FAAP24: variants seen among roughly 807,000 people sequenced by gnomAD.
The protein encoded by FAAP24 is Fanconi anemia core complex-associated protein 24.
A neutral mutation model predicts 14.3 loss-of-function variants in FAAP24; 16 were observed. The ratio of observed to expected loss-of-function variants is 1.12; its 90% CI spans 0.76 to 1.69. The LOEUF (loss-of-function observed/expected upper bound fraction) is 1.69. Among genes scored for constraint, FAAP24 ranks in the 40% most tolerant of loss-of-function variants. FAAP24 has a pLI of 0.00. For missense variants in FAAP24, 234 were observed against 262.7 expected (o/e 0.89, Z 0.75); for synonymous variants, 111 against 106.2 (o/e 1.04, Z -0.28).
rs1038165999 is a variant in FAAP24 at position 32,977,557 on chromosome 19, G to A, written c.*875G>A. ...GGCCTTTTTTTTTGGCAGATGTACA[G>A]TTTGTTTATAATCACTGCATATGTC... On this transcript the variant is annotated 3_prime_UTR_variant, in exon 5 of 5. Transcript: ENST00000588258. 2.0e-5 allele frequency: 8 copies of A among 395,778 alleles called. No homozygotes were observed. The Admixed American group carries it at 3.5e-4, about 18-fold the overall frequency. The allele number at this position is 395,778 out of a possible 1,614,324, so 24.5% of individuals were successfully genotyped here.
At position 32,976,761 on chromosome 19, in the gene FAAP24, G is replaced by A. The variant is rs1971523998; in HGVS notation, c.*79G>A. 9 of 1,555,632 alleles carry A rather than the reference G, an allele frequency of 5.8e-6. No individual in the cohort carries two copies. On this transcript the variant is annotated 3_prime_UTR_variant, in exon 5 of 5. Transcript: ENST00000588258. Reference sequence around the variant, plus strand: ...TTGTTTTCAGCTTTAAAAACCAAGAGAATGGGCCGGGTGCACTGGCTCACG... The same window carrying A: ...TTGTTTTCAGCTTTAAAAACCAAGAAAATGGGCCGGGTGCACTGGCTCACG...
In FAAP24 at chr19:32,974,113, A is replaced by G; in HGVS notation, c.297A>G (p.Gln99=). Residue 99 remains glutamine, a synonymous_variant, in exon 4 of 5, where the codon CAA becomes CAG. Coordinates refer to ENST00000588258, the MANE Select transcript of FAAP24 (RefSeq NM_152266.5). ...VVVEKTRMSE[Q]YFPALQKFTV... ...TTGAAAAAACCCGGATGAGTGAACAATACTTCCCAGCCCTACAGAAGTTTA... is the reference window on the plus strand; with the variant it reads ...TTGAAAAAACCCGGATGAGTGAACAGTACTTCCCAGCCCTACAGAAGTTTA... The G allele has an allele frequency of 1.2e-6, 2 of 1,614,154 alleles. No individual in the cohort carries two copies. Among genetic ancestry groups the G allele is most frequent in the Non-Finnish European group, 1.7e-6 (2 of 1,180,000 alleles).
intron 1 of FAAP24, among the ~76,000 whole-genome samples, chr19:32,972,680 C>CCTTCATTCA (rs1157046176): frequency 6.6e-6 from 1 of 151,320 alleles, no homozygotes; most frequent in Non-Finnish European, 1.5e-5. Flanking sequence ...GCCACCCTGG[C>CCTTCATTCA]CTTCATTCAG....
At position 32,973,466 on chromosome 19, in the gene FAAP24, C is replaced by CTT. The variant is rs747410375; in HGVS notation, c.150_151dup (p.Tyr51PhefsTer40). On this transcript the variant is annotated frameshift_variant, in exon 3 of 5. Transcript: ENST00000588258. LOFTEE classifies it high-confidence loss of function. ...TTTTCGAGGATGGCTTGACACCAGA[C>CTT]TTTTATCTGTCGAACAGATGCTGCA... 6 of 1,614,100 alleles carry CTT rather than the reference C, an allele frequency of 3.7e-6. No individual in the cohort carries two copies. The East Asian group carries it at 1.3e-4, about 36-fold the overall frequency.
Position 32,977,417 on chromosome 19 carries a change from C to A in FAAP24, c.*735C>A. On this transcript the variant is annotated 3_prime_UTR_variant, in exon 5 of 5. Transcript: ENST00000588258. ...TAAGCCCTGGGTTCCCAGAGTTTCA[C>A]CTGCTGTTCATCAGGTCTGGCCTTC... 1 of 398,632 alleles carries A rather than the reference C, an allele frequency of 2.5e-6. No individual in the cohort carries two copies. The allele number at this position is 398,632 out of a possible 1,614,324, so 24.7% of individuals were successfully genotyped here.
Position 32,973,503 on chromosome 19 carries a change from A to T in FAAP24, c.184A>T (p.Thr62Ser). The T allele has an allele frequency of 6.2e-7, 1 of 1,614,208 alleles. No homozygotes were observed. Among genetic ancestry groups the T allele is most frequent in the Non-Finnish European group, 8.5e-7 (1 of 1,180,050 alleles). The change falls in exon 3 of 5, where the codon ACC becomes TCC. Residue 62 changes from threonine (T) to serine (S), a missense_variant. Transcript: ENST00000588258. ...GAACAGATGCTGCATTCTTTATGTC[A>T]CCGAAGCTGATTTGGTGGCAGGAAA... ...LSNRCCILYVTEADLVAGNGY... is the reference protein window; with the variant it reads ...LSNRCCILYVSEADLVAGNGY...
chr19:32,974,681 G>A (rs1971493071), intron 4 of FAAP24, among the ~76,000 whole-genome samples: 1 of 152,054 alleles, frequency 6.6e-6, no homozygotes, highest in African/African-American at 2.4e-5. Flanking sequence ...CTACTCCGGA[G>A]GCTGAGGCAG....
rs767627178 is a variant in FAAP24 at position 32,973,253 on chromosome 19, T to C, written c.57T>C (p.Ile19=). Residue 19 remains isoleucine, a synonymous_variant, in exon 2 of 5, where the codon ATT becomes ATC. Coordinates refer to ENST00000588258, the MANE Select transcript of FAAP24 (RefSeq NM_152266.5). The part of the protein sequence containing the change: ...TGPVHVPLGH[I]VANEKWRGSQ... The stretch of plus-strand genomic sequence containing the variant: ...CCGTGCACGTGCCTTTGGGGCATAT[T>C]GTGGCCAATGAGAAATGGCGCGGGT... 1.2e-5 allele frequency: 19 copies of C among 1,613,922 alleles called. No individual in the cohort carries two copies. The African/African-American group carries it at 2.5e-4, about 22-fold the overall frequency.
chr19:32,977,584 T>C lies in FAAP24; in HGVS notation c.*902T>C. The C allele has an allele frequency of 2.5e-6, 1 of 397,370 alleles. No homozygotes were observed. Among genetic ancestry groups the C allele is most frequent in the Non-Finnish European group, 4.4e-6 (1 of 225,844 alleles). 24.6% of individuals were successfully genotyped at this position (397,370 alleles called of 1,614,324 possible). On this transcript the variant is annotated 3_prime_UTR_variant, in exon 5 of 5. Coordinates refer to ENST00000588258, the MANE Select transcript of FAAP24 (RefSeq NM_152266.5). ...TTGTTTATAATCACTGCATATGTCT[T>C]CTGCACACAGAAAGTATGAAGTCTG...
At chr19:32,974,596 C>T (rs1038910162) in intron 4 of FAAP24, among the ~76,000 whole-genome samples, 2 of 151,952 alleles carry the variant, frequency 1.3e-5, no homozygotes, top group African/African-American at 4.8e-5. Flanking sequence ...CCAGCCTGGC[C>T]AACATGGCAA....
chr19:32,973,367 A>C (rs1249110773), intron 2 of FAAP24, 59 bp from the exon 3 acceptor site: 1 of 1,600,530 alleles, frequency 6.2e-7, no homozygotes, highest in African/African-American at 1.4e-5. Flanking sequence ...AAATCTGCCT[A>C]TTATTGCCAT....
chr19:32,973,361 C>T, intron 2 of FAAP24, 59 bp downstream of exon 2: 1 of 1,590,854 alleles, frequency 6.3e-7, no homozygotes, highest in Non-Finnish European at 8.6e-7. Flanking sequence ...AAAAAAAAAT[C>T]TGCCTATTAT....
Position 32,977,232 on chromosome 19 carries a change from C to T in FAAP24, c.*550C>T, listed in dbSNP as rs1463980626. On this transcript the variant is annotated 3_prime_UTR_variant, in exon 5 of 5. Transcript: ENST00000588258. ...AGACGAAAAGGGCTGGTGGGATCTT[C>T]GCAAGAGAGTCAGGGACTCACACTC... 5 of 399,200 alleles carry T rather than the reference C, an allele frequency of 1.3e-5. No homozygotes were observed. The highest frequency in any genetic ancestry group is 3.6e-5 in the East Asian group (1 of 28,078). The allele number at this position is 399,200 out of a possible 1,614,324, so 24.7% of individuals were successfully genotyped here. A position where few individuals can be genotyped will look rare whatever the true frequency, so the allele number is the denominator to read the frequency against.
chr19:32,974,165 C>T lies in FAAP24; in HGVS notation c.349C>T (p.Leu117Phe). The T allele has an allele frequency of 6.2e-7, 1 of 1,613,962 alleles. No homozygotes were observed. The highest frequency in any genetic ancestry group is 8.5e-7 in the Non-Finnish European group (1 of 1,179,998). The change falls in exon 4 of 5, where the codon CTT becomes TTT. Residue 117 changes from leucine (L) to phenylalanine (F), a missense_variant. Physicochemically the swap from Leu to Phe is conservative, Grantham distance 22. Coordinates refer to ENST00000588258, the MANE Select transcript of FAAP24 (RefSeq NM_152266.5). ...TGTGCTGGACCTTGGAATGGTGCTG[C>T]TTCCAGTGGCCAGCCAGATGGAAGC... ...FTVLDLGMVL[L>F]PVASQMEASC...
At chr19:32,976,041 CACT>C (rs1971512489) in intron 4 of FAAP24, among the ~76,000 whole-genome samples, 1 of 152,174 alleles carries the variant, frequency 6.6e-6, no homozygotes, top group South Asian at 2.1e-4. Flanking sequence ...GTATAACCAC[CACT>C]AACTAGACCA....
chr19:32,973,546 T>A lies in FAAP24; in HGVS notation c.227T>A (p.Leu76His). The change falls in exon 3 of 5, where the codon CTT becomes CAT. Residue 76 changes from leucine to histidine, a missense_variant. Leu to His is a moderately conservative substitution (Grantham distance 99, BLOSUM62 -3). Transcript: ENST00000588258. ...GCAGGAAATGGCTACAGAAAGAGGC[T>A]TGTTCGGGTTAGAAATGTAAGTATT... is the stretch of plus-strand genomic sequence containing the variant. ...LVAGNGYRKR[L>H]VRVRNSNNLK... 1 of 1,614,136 alleles carries A rather than the reference T, an allele frequency of 6.2e-7. No individual in the cohort carries two copies.
chr19:32,973,259 C>T lies in FAAP24; in HGVS notation c.63C>T (p.Ala21=), dbSNP rs371874659. The T allele has an allele frequency of 9.3e-6, 15 of 1,613,956 alleles. No homozygotes were observed. Among genetic ancestry groups the T allele is most frequent in the Non-Finnish European group, 1.3e-5 (15 of 1,180,014 alleles). Residue 21 remains alanine (A), a synonymous_variant, in exon 2 of 5, where the codon GCC becomes GCT. Transcript: ENST00000588258. ...PVHVPLGHIV[A]NEKWRGSQLA... ...ACGTGCCTTTGGGGCATATTGTGGC[C>T]AATGAGAAATGGCGCGGGTCACAGC...
In FAAP24 at chr19:32,977,250, TCA is replaced by T; in HGVS notation, c.*572_*573del. The T allele has an allele frequency of 5.0e-6, 2 of 399,056 alleles. No individual in the cohort carries two copies. The highest frequency in any genetic ancestry group is 8.8e-6 in the Non-Finnish European group (2 of 226,480). 24.7% of individuals were successfully genotyped at this position (399,056 alleles called of 1,614,324 possible). Reference sequence around the variant, plus strand: ...GGATCTTCGCAAGAGAGTCAGGGACTCACACTCAGCAAAAAGCATTAGGGCCG... The same window carrying T: ...GGATCTTCGCAAGAGAGTCAGGGACTCACTCAGCAAAAAGCATTAGGGCCG... On this transcript the variant is annotated 3_prime_UTR_variant, in exon 5 of 5. Coordinates refer to ENST00000588258, the MANE Select transcript of FAAP24 (RefSeq NM_152266.5).
chr19:32,974,582 G>A (rs1005473101), intron 4 of FAAP24, among the ~76,000 whole-genome samples: 4 of 152,004 alleles, frequency 2.6e-5, no homozygotes, highest in African/African-American at 4.8e-5. Context: ...CCAGCAGTTC[G>A]AGACCAGCCT....
Sources: allele counts gnomAD v4.1 joint callset (sites outside exome capture counted in the v4.1 genomes callset), GRCh38; gene constraint gnomAD v4.1.1; transcripts MANE v1.5; gene names NCBI Gene and HGNC (gene_info 2026-07-23, HGNC 2026-07-21).